Variants in RIPOR2 observed in about 807,000 individuals in gnomAD.
The protein encoded by RIPOR2 is rho family-interacting cell polarization regulator 2.
A neutral mutation model predicts 114.5 loss-of-function variants in RIPOR2; 39 were observed. The observed-to-expected ratio is 0.34, with a 90% confidence interval of 0.26 to 0.44. RIPOR2 has a LOEUF of 0.44. RIPOR2 is among the 20% of genes least tolerant of loss of function. The pLI, the probability that RIPOR2 is intolerant of heterozygous loss-of-function variation, is 1.00. For missense variants in RIPOR2, 1,007 were observed against 1,255.1 expected, an observed-to-expected ratio of 0.80 and a Z score of 2.99; for synonymous variants, 445 against 484.4, an observed-to-expected ratio of 0.92 and a Z score of 1.07.
chr6:24,862,526 A>G (rs1166705083), intron 7 of RIPOR2, among the ~76,000 whole-genome samples: 1 of 152,200 alleles, frequency 6.6e-6, no homozygotes. Flanking sequence ...TTTCCCTTGT[A>G]AATTCTCACT....
chr6:24,977,840 T>C (rs1444528285), intron 1 of RIPOR2, among the ~76,000 whole-genome samples: 2 of 152,206 alleles, frequency 1.3e-5, no homozygotes, highest in African/African-American at 4.8e-5. Context: ...CAGAGGAAGC[T>C]TCCCTCCCTA....
intron 17 of RIPOR2, among the ~76,000 whole-genome samples, chr6:24,828,695 A>C (rs898188482): frequency 1.3e-5 from 2 of 151,820 alleles, no homozygotes; most frequent in Non-Finnish European, 2.9e-5. Context: ...CCTTATATAT[A>C]AAATATATAA....
intron 7 of RIPOR2, among the ~76,000 whole-genome samples, chr6:24,862,194 C>T (rs964691309): frequency 2.6e-5 from 4 of 152,238 alleles, no homozygotes; most frequent in African/African-American, 9.6e-5. Flanking sequence ...CATGGGCCAT[C>T]CCCAGGGAGG....
chr6:24,996,928 C>T (rs1354554707), intron 1 of RIPOR2, among the ~76,000 whole-genome samples: 1 of 152,236 alleles, frequency 6.6e-6, no homozygotes, highest in Non-Finnish European at 1.5e-5. Flanking sequence ...AGAACAACTA[C>T]TTGGAAATTA....
intron 15 of RIPOR2, 131 bp from the exon 16 acceptor site, chr6:24,832,522 T>A: frequency 1.3e-6 from 1 of 776,654 alleles, no homozygotes; most frequent in Non-Finnish European, 2.1e-6. Context: ...TCCAGCTCGA[T>A]AATGATCCTC....
intron 1 of RIPOR2, among the ~76,000 whole-genome samples, chr6:25,032,546 T>A (rs539540629): frequency 1.8e-4 from 27 of 152,072 alleles, no homozygotes; most frequent in African/African-American, 6.5e-4. Flanking sequence ...CTTCAAAGAG[T>A]ATGTGAGGCA....
chr6:24,983,489 G>A (rs998044885), intron 1 of RIPOR2, among the ~76,000 whole-genome samples: 8 of 152,124 alleles, frequency 5.3e-5, no homozygotes, highest in African/African-American at 1.9e-4. Context: ...AGGCGCGGTG[G>A]CTTACGCCTG....
chr6:24,894,363 G>C (rs936197209), intron 1 of RIPOR2, among the ~76,000 whole-genome samples: 1 of 152,180 alleles, frequency 6.6e-6, no homozygotes, highest in African/African-American at 2.4e-5. Flanking sequence ...TTCTGAGACT[G>C]ACCTGTAGGC....
intron 1 of RIPOR2, among the ~76,000 whole-genome samples, chr6:24,976,042 A>C (rs1217670960): frequency 6.6e-6 from 1 of 152,206 alleles, no homozygotes; most frequent in Non-Finnish European, 1.5e-5. Context: ...CAAATTTATT[A>C]ACACCTAAAG....
intron 1 of RIPOR2, among the ~76,000 whole-genome samples, chr6:24,948,533 C>CTTT (rs35993841): frequency 6.9e-6 from 1 of 145,398 alleles, no homozygotes; most frequent in Non-Finnish European, 1.5e-5. Flanking sequence ...TTCTTTCTTT[C>CTTT]TTTTTTTTTT....
chr6:24,843,387 C>A lies in RIPOR2; in HGVS notation c.1332G>T (p.Glu444Asp), dbSNP rs1306596922. The part of the protein sequence containing the change: ...TNPEITITPA[E>D]FNLSSLASQN... ...GGGAGGCCAAGCTGCTGAGGTTAAA[C>A]TCCGCAGGGGTGATGGTAATTTCTG... The change falls in exon 13 of 22, where the codon GAG becomes GAT. Residue 444 changes from glutamate (E) to aspartate (D), a missense_variant. Transcript: ENST00000643898. 6.2e-7 allele frequency: 1 copy of A among 1,613,976 alleles called. No homozygotes were observed. Among genetic ancestry groups the A allele is most frequent in the African/African-American group, 1.3e-5 (1 of 75,006 alleles).
At chr6:24,849,588 T>C (rs578255095) in intron 11 of RIPOR2, among the ~76,000 whole-genome samples, 1 of 152,240 alleles carries the variant, frequency 6.6e-6, no homozygotes, top group Admixed American at 6.5e-5. Flanking sequence ...CCCAGGCTTC[T>C]CCAACTTTAA....
chr6:24,859,979 T>C (rs1290007098), intron 8 of RIPOR2, among the ~76,000 whole-genome samples: 3 of 152,206 alleles, frequency 2.0e-5, no homozygotes, highest in South Asian at 2.1e-4. Context: ...CTTGCTGTGA[T>C]GGCCGCTCAT....
At chr6:24,862,826 C>T (rs957680050) in intron 7 of RIPOR2, among the ~76,000 whole-genome samples, 3 of 151,154 alleles carry the variant, frequency 2.0e-5, no homozygotes, top group African/African-American at 2.4e-5. Flanking sequence ...CCCACAGCCA[C>T]TGATGAACAT....
chr6:24,807,221 C>T (rs531023343), intron 21 of RIPOR2, among the ~76,000 whole-genome samples: 1 of 152,284 alleles, frequency 6.6e-6, no homozygotes, highest in African/African-American at 2.4e-5. Flanking sequence ...AACCCCAGAA[C>T]TTTGGGAAGC....
intron 1 of RIPOR2, among the ~76,000 whole-genome samples, chr6:24,920,180 G>A (rs1770373965): frequency 6.6e-6 from 1 of 152,182 alleles, no homozygotes; most frequent in African/African-American, 2.4e-5. Flanking sequence ...GGAGGGAGCT[G>A]AGCACTGGGG....
At chr6:24,879,878 G>T (rs868068755) in intron 1 of RIPOR2, among the ~76,000 whole-genome samples, 1 of 152,146 alleles carries the variant, frequency 6.6e-6, no homozygotes, top group African/African-American at 2.4e-5. Flanking sequence ...GACCTGGTCT[G>T]TCCCCAGCTT....
intron 7 of RIPOR2, among the ~76,000 whole-genome samples, chr6:24,863,595 A>G (rs1764299103): frequency 1.3e-5 from 2 of 152,348 alleles, no homozygotes. Context: ...CTGCAGCTCT[A>G]CAAAGTAGGA....
At chr6:24,850,862 G>T in intron 9 of RIPOR2, 140 bp from the exon 10 acceptor site, 1 of 954,834 alleles carries the variant, frequency 1.0e-6, no homozygotes, top group Non-Finnish European at 1.6e-6. Flanking sequence ...CCTTACTCTT[G>T]GGTGTGAATG....
Sources: allele counts gnomAD v4.1 joint callset (sites outside exome capture counted in the v4.1 genomes callset), GRCh38; gene constraint gnomAD v4.1.1; transcripts MANE v1.5; gene names NCBI Gene and HGNC (gene_info 2026-07-23, HGNC 2026-07-21).